The following NCS1 variants were observed in gnomAD, a reference collection of about 807,000 sequenced individuals.
NCS1 encodes neuronal calcium sensor 1.
In NCS1, 6 loss-of-function variants were observed where a neutral mutation model predicts 28.4. The ratio of observed to expected loss-of-function variants is 0.21; its 90% CI spans 0.12 to 0.42. The LOEUF is 0.42. NCS1 is among the 10% of genes least tolerant of loss of function. The probability of loss-of-function intolerance (pLI) is 1.00; values close to 1 mark genes in which losing one functional copy is unlikely to be tolerated. For synonymous variants in NCS1, 86 were observed against 99.3 expected, an observed-to-expected ratio of 0.87 and a Z score of 0.79; for missense variants, 131 against 241.4, an observed-to-expected ratio of 0.54 and a Z score of 3.03.
At chr9:130,211,618 C>T (rs35997471) in intron 2 of NCS1, among the ~76,000 whole-genome samples, 10,929 of 151,878 alleles carry the variant, frequency 0.072, 486 homozygotes, top group Middle Eastern at 0.12. Context: ...CCAGGAGAGC[C>T]GGTCCCTCTC....
chr9:130,173,207 G>C (rs946497397), intron 1 of NCS1, among the ~76,000 whole-genome samples: 9 of 151,850 alleles, frequency 5.9e-5, no homozygotes, highest in Non-Finnish European at 1.3e-4. Context: ...TGTGGGGGGG[G>C]GGGTGGCGAG....
intron 1 of NCS1, among the ~76,000 whole-genome samples, chr9:130,189,175 G>A (rs782130072): frequency 1.3e-5 from 2 of 152,164 alleles, no homozygotes; most frequent in African/African-American, 4.8e-5. Flanking sequence ...CATTGAGTGT[G>A]CTCAGAAATT....
At position 130,233,686 on chromosome 9, in the gene NCS1, T is replaced by C. The variant is rs1308009836; in HGVS notation, c.*714T>C. The C allele has an allele frequency of 6.6e-6, 1 of 152,550 alleles. No homozygotes were observed. Among genetic ancestry groups the C allele is most frequent in the East Asian group, 1.9e-4 (1 of 5,200 alleles). The allele number at this position is 152,550 out of a possible 1,614,324, so 9.4% of individuals were successfully genotyped here. A position where few individuals can be genotyped will look rare whatever the true frequency, so the allele number is the denominator to read the frequency against. ...TTAACTGTTGCTGCTGCCTGGTGTG[T>C]CCTCAGCTCCCAGGGCTGCGGGCCC... is the stretch of plus-strand genomic sequence containing the variant. On this transcript the variant is annotated 3_prime_UTR_variant, in exon 8 of 8. Coordinates refer to ENST00000372398, the MANE Select transcript of NCS1 (RefSeq NM_014286.4). This position sits in a 1 kb window ranked among gnomAD's most constrained non-coding sequence, Gnocchi z 4.8.
intron 7 of NCS1, among the ~76,000 whole-genome samples, chr9:130,228,377 T>C (rs2131161700): frequency 6.6e-6 from 1 of 151,904 alleles, no homozygotes; most frequent in African/African-American, 2.4e-5. Flanking sequence ...TTTTGTTTGT[T>C]TGTTTTGTTT....
At chr9:130,176,682 G>T (rs1832576176) in intron 1 of NCS1, among the ~76,000 whole-genome samples, 1 of 152,224 alleles carries the variant, frequency 6.6e-6, no homozygotes, top group African/African-American at 2.4e-5. Context: ...CTTACGTGTA[G>T]CGGCCTCCGC....
intron 6 of NCS1, among the ~76,000 whole-genome samples, chr9:130,225,732 T>G (rs893059895): frequency 4.6e-5 from 7 of 152,368 alleles, no homozygotes; most frequent in Admixed American, 6.5e-5. Flanking sequence ...GAGCGATCCC[T>G]GAGCACAGCT....
chr9:130,226,314 C>G lies in NCS1; in HGVS notation c.475-75C>G. 1 of 1,300,258 alleles carries G rather than the reference C, an allele frequency of 7.7e-7. No individual in the cohort carries two copies. 80.5% of individuals were successfully genotyped at this position (1,300,258 alleles called of 1,614,324 possible). On this transcript the variant is annotated intron_variant, in intron 6 of 7. Coordinates refer to ENST00000372398, the MANE Select transcript of NCS1 (RefSeq NM_014286.4). This position sits in a 1 kb window ranked among gnomAD's most constrained non-coding sequence, Gnocchi z 4.8. ...CTAACCTTGGAAGGGCTCTTGGGAC[C>G]GGCCCTGGGCTGGGCTTGTCTAGAG... is the stretch of plus-strand genomic sequence containing the variant.
intron 1 of NCS1, among the ~76,000 whole-genome samples, chr9:130,198,138 C>T (rs1301440314): frequency 6.6e-6 from 1 of 152,226 alleles, no homozygotes; most frequent in Non-Finnish European, 1.5e-5. Context: ...CTCCGGTTCC[C>T]TGGGGCTCGG....
intron 1 of NCS1, among the ~76,000 whole-genome samples, chr9:130,184,109 G>A (rs367814158): frequency 1.3e-4 from 20 of 152,050 alleles, no homozygotes; most frequent in African/African-American, 4.1e-4. Context: ...CGCGCCCGGC[G>A]TCTTTTCTTT....
chr9:130,215,912 A>G lies in NCS1; in HGVS notation c.90-1920A>G, dbSNP rs1833176802. Among the ~76,000 whole-genome samples the G allele has an allele frequency of 6.6e-6, 1 of 151,744 alleles. No homozygotes were observed. Among genetic ancestry groups the G allele is most frequent in the Admixed American group, 6.6e-5 (1 of 15,238 alleles). On this transcript the variant is annotated intron_variant, in intron 2 of 7. Transcript: ENST00000372398. The surrounding 1 kb of genome is among the most constrained non-coding windows in gnomAD (Gnocchi z 4.2). ...CAAGAAGAACTGCCCTCCCTCCCAC[A>G]TCCTGCTCCCTCTTCTCTGCCCTCC... is the stretch of plus-strand genomic sequence containing the variant.
intron 7 of NCS1, among the ~76,000 whole-genome samples, chr9:130,231,351 CA>C (rs367655474): frequency 0.78 from 112,524 of 144,612 alleles, 43,320 homozygotes; most frequent in East Asian, 0.91. Context: ...GATTTTATCT[CA>C]AAAAAAAAAA....
chr9:130,235,067 C>T lies in NCS1; in HGVS notation c.*2095C>T, dbSNP rs1478130279. 6.6e-6 allele frequency: 1 copy of T among 152,360 alleles called. No individual in the cohort carries two copies. Among genetic ancestry groups the T allele is most frequent in the African/African-American group, 2.4e-5 (1 of 41,418 alleles). The allele number at this position is 152,360 out of a possible 1,614,324, so 9.4% of individuals were successfully genotyped here. A position where few individuals can be genotyped will look rare whatever the true frequency, so the allele number is the denominator to read the frequency against. On this transcript the variant is annotated 3_prime_UTR_variant, in exon 8 of 8. Transcript: ENST00000372398. ...GAGCATTCAGCCAACCCCAGCGTCC[C>T]CCCTGAGGCGTTCATTGGCAGCCCC...
intron 4 of NCS1, among the ~76,000 whole-genome samples, chr9:130,221,413 T>TATAGAGAGAGAG (rs1833297741): frequency 3.5e-5 from 2 of 57,750 alleles, no homozygotes; most frequent in African/African-American, 1.6e-4. Context: ...TATATATATA[T>TATAGAGAGAGAG]AGAGAGAGAG....
Position 130,175,628 on chromosome 9 carries a change from G to C in NCS1, c.64+2901G>C, listed in dbSNP as rs563802035. ...AGGGGAGCCATGGGTCCACGTCCGA[G>C]TCGGTGCTGGGCAGTGTCCTTGGTG... On this transcript the variant is annotated intron_variant, in intron 1 of 7. Transcript: ENST00000372398. This position sits in a 1 kb window ranked among gnomAD's most constrained non-coding sequence, Gnocchi z 4.9. Among the ~76,000 whole-genome samples, 3 of 152,248 alleles carry C rather than the reference G, an allele frequency of 2.0e-5. No individual in the cohort carries two copies. In the South Asian group the frequency reaches 6.2e-4, roughly 32 times the overall value.
At chr9:130,178,718 A>G (rs1832610243) in intron 1 of NCS1, among the ~76,000 whole-genome samples, 1 of 151,954 alleles carries the variant, frequency 6.6e-6, no homozygotes, top group African/African-American at 2.4e-5. Context: ...CTGGCGGGGA[A>G]GAGGGGTGGT....
intron 3 of NCS1, 67 bp downstream of exon 3, chr9:130,218,037 A>G: frequency 1.9e-6 from 3 of 1,592,650 alleles, no homozygotes; most frequent in African/African-American, 1.3e-5. Context: ...CAGCGTCTCC[A>G]CACCCACTCT....
At chr9:130,188,209 T>C (rs1404728699) in intron 1 of NCS1, among the ~76,000 whole-genome samples, 7 of 152,170 alleles carry the variant, frequency 4.6e-5, no homozygotes, top group African/African-American at 1.7e-4. Context: ...CTGGATAAGG[T>C]TTTGTTCTAG....
chr9:130,198,374 T>C (rs1325964604), intron 1 of NCS1, among the ~76,000 whole-genome samples: 1 of 152,168 alleles, frequency 6.6e-6, no homozygotes, highest in East Asian at 1.9e-4. Flanking sequence ...GAAGCCCCGC[T>C]CTGGCACTGT....
intron 1 of NCS1, among the ~76,000 whole-genome samples, chr9:130,194,733 A>G (rs1453792389): frequency 1.3e-5 from 2 of 152,118 alleles, no homozygotes; most frequent in Non-Finnish European, 2.9e-5. Context: ...CCCCATGGAG[A>G]GCATGGCCCA....
Sources: gnomAD v4.1 joint callset for allele counts (sites outside exome capture counted in the v4.1 genomes callset) on GRCh38, gnomAD v4.1.1 for gene constraint, Gnocchi (gnomAD v3.1) non-coding constraint, MANE v1.5 for transcripts, NCBI Gene and HGNC (gene_info 2026-07-23, HGNC 2026-07-21) for gene names.